UBXN7: variants seen among roughly 807,000 people sequenced by gnomAD.
UBXN7 encodes the protein UBX domain protein 7.
UBXN7 carries 9 observed loss-of-function variants against 58.0 expected under a neutral mutation model. The ratio of observed to expected loss-of-function variants is 0.16; its 90% CI spans 0.09 to 0.27. The LOEUF (loss-of-function observed/expected upper bound fraction) is 0.27. Among genes scored for constraint, UBXN7 ranks in the 10% least tolerant of loss-of-function variants. The pLI is 1.00. For synonymous variants in UBXN7, 208 were observed against 205.0 expected (o/e 1.01, Z -0.12); for missense variants, 328 against 599.6 (o/e 0.55, Z 4.73).
chr3:196,379,944 A>G (rs1005301505), intron 5 of UBXN7, among the ~76,000 whole-genome samples: 1 of 152,146 alleles, frequency 6.6e-6, no homozygotes, highest in Non-Finnish European at 1.5e-5. Flanking sequence ...GGGCGAGCCT[A>G]TAGAGTAAAG....
chr3:196,371,767 G>A, intron 6 of UBXN7, 129 bp downstream of exon 6: 8 of 1,190,540 alleles, frequency 6.7e-6, no homozygotes, highest in Non-Finnish European at 9.0e-6. Context: ...ATAGGCGTGA[G>A]CTACTGCCCC....
chr3:196,394,986 T>A (rs935825892), intron 3 of UBXN7, among the ~76,000 whole-genome samples: 1 of 152,216 alleles, frequency 6.6e-6, no homozygotes, highest in Non-Finnish European at 1.5e-5. Context: ...AGAATCAAAA[T>A]GTTATCTTCC....
intron 5 of UBXN7, among the ~76,000 whole-genome samples, chr3:196,383,379 G>C (rs1054860743): frequency 6.6e-6 from 1 of 152,132 alleles, no homozygotes; most frequent in African/African-American, 2.4e-5. Context: ...GTCAATATTA[G>C]ACAGATCAAT....
rs533114854 is a variant in UBXN7, at chr3:196,424,703, C to T, written c.73+7624G>A. On this transcript the variant is annotated intron_variant, in intron 1 of 10. Transcript: ENST00000296328. ...GCCTCGCCTCATCCATTTTTATAAC[C>T]TTTTTTTTTTTTTTTTTTTGAGACA... Among the ~76,000 whole-genome samples the T allele has an allele frequency of 2.8e-3, 298 of 105,252 alleles. 1 individual carries two copies. The highest frequency in any genetic ancestry group is 0.01 in the Middle Eastern group (2 of 198). The allele number at this position is 105,252 out of a possible 152,430, so 69.0% of individuals were successfully genotyped here.
At chr3:196,407,441 A>G (rs1730196124) in intron 1 of UBXN7, 48 bp from the exon 2 acceptor site, 2 of 1,511,564 alleles carry the variant, frequency 1.3e-6, no homozygotes, top group Non-Finnish European at 8.9e-7. Context: ...AAAAAAAAAA[A>G]GACAGCCTCT....
intron 5 of UBXN7, among the ~76,000 whole-genome samples, chr3:196,378,595 T>C (rs1416343450): frequency 6.6e-6 from 1 of 152,228 alleles, no homozygotes; most frequent in Non-Finnish European, 1.5e-5. Context: ...AGGAAAAGGT[T>C]GGGCAGTTCC....
At chr3:196,394,115 CCT>C (rs994507797) in intron 3 of UBXN7, among the ~76,000 whole-genome samples, 14 of 151,524 alleles carry the variant, frequency 9.2e-5, no homozygotes, top group South Asian at 4.2e-4. Context: ...ATGGTGAGCC[CCT>C]GTCTCTACTA....
intron 1 of UBXN7, among the ~76,000 whole-genome samples, chr3:196,417,535 T>C (rs1038353268): frequency 4.6e-5 from 7 of 151,822 alleles, no homozygotes; most frequent in Admixed American, 6.6e-5. Context: ...CTGAGTAAGA[T>C]ACTAATTTCT....
chr3:196,375,626 T>C (rs1217748519), intron 5 of UBXN7, among the ~76,000 whole-genome samples: 1 of 152,218 alleles, frequency 6.6e-6, no homozygotes, highest in African/African-American at 2.4e-5. Flanking sequence ...TGGAATCTAT[T>C]AGGTTGTTCT....
At chr3:196,377,113 C>T (rs1729053345) in intron 5 of UBXN7, among the ~76,000 whole-genome samples, 1 of 151,874 alleles carries the variant, frequency 6.6e-6, no homozygotes, top group Non-Finnish European at 1.5e-5. Flanking sequence ...AATATTCCTT[C>T]TGGCATAATC....
intron 1 of UBXN7, among the ~76,000 whole-genome samples, chr3:196,414,880 A>G (rs1398378843): frequency 6.6e-6 from 1 of 152,234 alleles, no homozygotes; most frequent in Non-Finnish European, 1.5e-5. Flanking sequence ...CAAATTTAAC[A>G]TTCTAACCAA....
chr3:196,374,108 T>G, intron 5 of UBXN7, among the ~76,000 whole-genome samples: 1 of 152,166 alleles, frequency 6.6e-6, no homozygotes. Context: ...AAACAGTATT[T>G]GAAAATAAAC....
At chr3:196,402,046 G>C (rs769140939) in intron 3 of UBXN7, among the ~76,000 whole-genome samples, 29 of 152,112 alleles carry the variant, frequency 1.9e-4, no homozygotes, top group Non-Finnish European at 3.7e-4. Flanking sequence ...TTTTGAGAGA[G>C]AGTCTTACTC....
chr3:196,356,985 G>T, intron 10 of UBXN7, 139 bp from the exon 11 acceptor site: 2 of 1,176,956 alleles, frequency 1.7e-6, no homozygotes, highest in Non-Finnish European at 2.3e-6. Context: ...TATAACCAAA[G>T]CTTGCCCTTG....
chr3:196,371,277 A>C (rs1728824454), intron 6 of UBXN7, among the ~76,000 whole-genome samples: 1 of 152,234 alleles, frequency 6.6e-6, no homozygotes, highest in African/African-American at 2.4e-5. Flanking sequence ...AGTATAAAAT[A>C]CAAACCATAT....
rs2108822932 is a variant in UBXN7, at chr3:196,354,261, T to G, written c.*2424A>C. The G allele has an allele frequency of 6.6e-6, 1 of 152,372 alleles. No individual in the cohort carries two copies. The highest frequency in any genetic ancestry group is 1.9e-4 in the East Asian group (1 of 5,188). The allele number at this position is 152,372 out of a possible 1,614,324, so 9.4% of individuals were successfully genotyped here. A position where few individuals can be genotyped will look rare whatever the true frequency, so the allele number is the denominator to read the frequency against. The stretch of plus-strand genomic sequence containing the variant: ...TTTAAATCACTTTATATCTACTTAA[T>G]CATCCCACAGTAACCCGAGTTGAAG... On this transcript the variant is annotated 3_prime_UTR_variant, in exon 11 of 11. Coordinates refer to ENST00000296328, the MANE Select transcript of UBXN7 (RefSeq NM_015562.2).
chr3:196,368,060 A>G lies in UBXN7; in HGVS notation c.802T>C (p.Ser268Pro), dbSNP rs374085271. The part of the protein sequence containing the change: ...LGEHGQLDGL[S>P]SSPPKKCARS... ...GCACATTTTTTGGGGGGACTGCTAGAAAGTCCATCCAGTTGTCCATGTTCA... is the reference window on the plus strand; with the variant it reads ...GCACATTTTTTGGGGGGACTGCTAGGAAGTCCATCCAGTTGTCCATGTTCA... The change falls in exon 8 of 11, where the codon TCT (serine) becomes CCT (proline). Residue 268 changes from serine to proline, a missense_variant. Physicochemically the swap from Ser to Pro is moderately conservative, Grantham distance 74. Around this residue, in one of 4 missense-constraint regions of UBXN7, gnomAD observed 126 missense variants for 302.6 expected, o/e 0.42. Transcript: ENST00000296328. 3 of 1,613,908 alleles carry G rather than the reference A, an allele frequency of 1.9e-6. No homozygotes were observed. The highest frequency in any genetic ancestry group is 2.5e-6 in the Non-Finnish European group (3 of 1,179,952).
rs1303486933 is a variant in UBXN7 at position 196,356,828 on chromosome 3, G to A, written c.1327C>T (p.Gln443Ter). 1 of 1,608,614 alleles carries A rather than the reference G, an allele frequency of 6.2e-7. No individual in the cohort carries two copies. Among genetic ancestry groups the A allele is most frequent in the African/African-American group, 1.3e-5 (1 of 74,600 alleles). ...AKLLALVKHV[Q>*]SKGYPNERFE... ...CGTTCATTTGGGTATCCTTTAGACT[G>A]CACGTGCTTCACCAAAGCCTATAAA... The change falls in exon 11 of 11, where the codon CAG becomes TAG. Residue 443 changes from glutamine to a stop codon, truncating the protein, a stop_gained. Transcript: ENST00000296328. LOFTEE classifies it high-confidence loss of function.
At chr3:196,359,082 G>A (rs1728433923) in intron 10 of UBXN7, among the ~76,000 whole-genome samples, 1 of 152,118 alleles carries the variant, frequency 6.6e-6, no homozygotes, top group South Asian at 2.1e-4. Flanking sequence ...AGTTACTGAA[G>A]GTCTGCGGCA....
Sources: gnomAD v4.1 joint callset for allele counts (sites outside exome capture counted in the v4.1 genomes callset) on GRCh38, gnomAD v4.1.1 for gene constraint, gnomAD v4.1.1 regional missense constraint, MANE v1.5 for transcripts, NCBI Gene and HGNC (gene_info 2026-07-23, HGNC 2026-07-21) for gene names.